L3MBTL3: variants seen among roughly 807,000 people sequenced by gnomAD.
The protein encoded by L3MBTL3 is lethal(3)malignant brain tumor-like protein 3.
In L3MBTL3, 27 loss-of-function variants were observed where a neutral mutation model predicts 102.3. The observed-to-expected ratio is 0.26, with a 90% CI of 0.19 to 0.36. The LOEUF (loss-of-function observed/expected upper bound fraction) is 0.36. L3MBTL3 is among the 10% of genes least tolerant of loss of function. The pLI is 1.00. For missense variants in L3MBTL3, 798 were observed against 955.3 expected (o/e 0.84, Z 2.17); for synonymous variants, 340 against 320.9 (o/e 1.06, Z -0.64).
At chr6:130,093,966 C>A (rs1481284956) in intron 17 of L3MBTL3, among the ~76,000 whole-genome samples, 1 of 152,134 alleles carries the variant, frequency 6.6e-6, no homozygotes, top group Non-Finnish European at 1.5e-5. Flanking sequence ...CTTGTTAATT[C>A]GTATTTAGAT....
chr6:130,103,260 G>C (rs1431566823), intron 18 of L3MBTL3, among the ~76,000 whole-genome samples: 2 of 152,204 alleles, frequency 1.3e-5, no homozygotes, highest in Non-Finnish European at 2.9e-5. Context: ...CACATGATCA[G>C]ATGTTATTTG....
chr6:130,029,764 T>G (rs902729285), intron 2 of L3MBTL3, among the ~76,000 whole-genome samples: 2 of 152,192 alleles, frequency 1.3e-5, no homozygotes, highest in African/African-American at 4.8e-5. Context: ...TTCAGAGATC[T>G]GATAAACTGG....
At chr6:130,056,725 G>A (rs567317383) in intron 8 of L3MBTL3, among the ~76,000 whole-genome samples, 2 of 151,908 alleles carry the variant, frequency 1.3e-5, no homozygotes, top group Non-Finnish European at 2.9e-5. Flanking sequence ...CAGGCCCCTG[G>A]CTCTTCTGGG....
chr6:130,050,967 G>A (rs916893999), intron 5 of L3MBTL3, among the ~76,000 whole-genome samples: 1 of 152,148 alleles, frequency 6.6e-6, no homozygotes, highest in African/African-American at 2.4e-5. Flanking sequence ...TCTGAATTTA[G>A]TGACTAGTGA....
chr6:130,107,332 C>G (rs1325295861), intron 19 of L3MBTL3, among the ~76,000 whole-genome samples: 1 of 152,066 alleles, frequency 6.6e-6, no homozygotes, highest in Non-Finnish European at 1.5e-5. Context: ...TATATTTTTT[C>G]TTTCTTCTTC....
chr6:130,071,244 T>C, intron 13 of L3MBTL3, 117 bp downstream of exon 13: 1 of 877,142 alleles, frequency 1.1e-6, no homozygotes. Context: ...GCCCCACTTT[T>C]TCCTGTTACA....
rs958407539 is a variant in L3MBTL3 at position 130,133,120 on chromosome 6, A to T, written c.1967-332A>T. Among the ~76,000 whole-genome samples the T allele has an allele frequency of 2.0e-5, 3 of 152,214 alleles. No homozygotes were observed. The highest frequency in any genetic ancestry group is 7.2e-5 in the African/African-American group (3 of 41,452). On this transcript the variant is annotated intron_variant, in intron 20 of 22. Transcript: ENST00000361794. The surrounding 1 kb of genome is among the most constrained non-coding windows in gnomAD (Gnocchi z 4.9). ...CCAAAGCAGAAAGGGGAGCAAATAA[A>T]CAACTTCCTAGAATAAGACTAACTT...
In L3MBTL3 at chr6:130,055,217, G is replaced by A. The variant is rs775436383; in HGVS notation, c.629G>A (p.Arg210Gln). 8 of 1,613,700 alleles carry A rather than the reference G, an allele frequency of 5.0e-6. No homozygotes were observed. Among genetic ancestry groups the A allele is most frequent in the East Asian group, 2.2e-5 (1 of 44,882 alleles). ...ATCCTGAGGGGTTCGCAGAGAGCAC[G>A]GAGGAAAAGACGAGGGGATTCGGCT... is the stretch of plus-strand genomic sequence containing the variant. ...VRILRGSQRARRKRRGDSAVL... is the reference protein window; with the variant it reads ...VRILRGSQRAQRKRRGDSAVL... The change falls in exon 8 of 23, where the codon CGG (arginine) becomes CAG (glutamine). Residue 210 changes from arginine (R) to glutamine (Q), a missense_variant. Physicochemically the swap from Arg to Gln is conservative, Grantham distance 43. Around this residue, in one of 4 missense-constraint regions of L3MBTL3, gnomAD observed 434 missense variants for 506.6 expected, o/e 0.86. Coordinates refer to ENST00000361794, the MANE Select transcript of L3MBTL3 (RefSeq NM_032438.4).
chr6:130,019,839 G>GGCTGCTTTTCCTGCAA (rs1778828763), intron 1 of L3MBTL3, among the ~76,000 whole-genome samples: 2 of 146,636 alleles, frequency 1.4e-5, no homozygotes, highest in Admixed American at 6.7e-5. Flanking sequence ...GGCGGCGCGG[G>GGCTGCTTTTCCTGCAA]CCCGCGGCGG....
At chr6:130,052,143 G>T (rs1781138370) in intron 6 of L3MBTL3, among the ~76,000 whole-genome samples, 4 of 148,662 alleles carry the variant, frequency 2.7e-5, no homozygotes, top group African/African-American at 9.9e-5. Context: ...GTCTTGTTCT[G>T]TCGCCAGGCT....
At chr6:130,037,649 T>C (rs1286555917) in intron 2 of L3MBTL3, among the ~76,000 whole-genome samples, 2 of 152,198 alleles carry the variant, frequency 1.3e-5, no homozygotes, top group African/African-American at 4.8e-5. Flanking sequence ...TTACTTTTAA[T>C]TGATGCATAA....
chr6:130,131,298 A>G (rs898379202), intron 20 of L3MBTL3, among the ~76,000 whole-genome samples: 7 of 152,222 alleles, frequency 4.6e-5, no homozygotes, highest in African/African-American at 1.4e-4. Flanking sequence ...TGATACCACT[A>G]TACACCCACT....
At chr6:130,130,657 A>T (rs1456830270) in intron 20 of L3MBTL3, among the ~76,000 whole-genome samples, 1 of 152,246 alleles carries the variant, frequency 6.6e-6, no homozygotes, top group South Asian at 2.1e-4. Flanking sequence ...GGTTCATAAT[A>T]GATATTCAAT....
intron 10 of L3MBTL3, among the ~76,000 whole-genome samples, chr6:130,061,361 G>A (rs986314328): frequency 6.6e-6 from 1 of 152,148 alleles, no homozygotes; most frequent in Non-Finnish European, 1.5e-5. Flanking sequence ...GATTACAAGC[G>A]TGAGCCACCA....
In L3MBTL3 at chr6:130,139,760, T is replaced by G; in HGVS notation, c.*7T>G. 1 of 1,611,586 alleles carries G rather than the reference T, an allele frequency of 6.2e-7. No individual in the cohort carries two copies. The highest frequency in any genetic ancestry group is 2.2e-5 in the East Asian group (1 of 44,730). The stretch of plus-strand genomic sequence containing the variant: ...TTCTCACAATGAACTTTGAAGATGG[T>G]GAATTCTGAATACCATCAGCATTCT... On this transcript the variant is annotated 3_prime_UTR_variant, in exon 23 of 23. Transcript: ENST00000361794.
chr6:130,033,369 A>G (rs1022460529), intron 2 of L3MBTL3, among the ~76,000 whole-genome samples: 1 of 152,176 alleles, frequency 6.6e-6, no homozygotes, highest in Non-Finnish European at 1.5e-5. Flanking sequence ...AGTGAAGATG[A>G]TTTCTGTAAA....
chr6:130,037,387 C>A lies in L3MBTL3; in HGVS notation c.-15-5298C>A, dbSNP rs552717735. Among the ~76,000 whole-genome samples the A allele has an allele frequency of 5.8e-4, 88 of 152,078 alleles. 1 individual carries two copies. Among genetic ancestry groups the A allele is most frequent in the Non-Finnish European group, 1.0e-3 (71 of 67,970 alleles). On this transcript the variant is annotated intron_variant, in intron 2 of 22. Transcript: ENST00000361794. ...ATCACTCAGATATTACCAAGTTTAT[C>A]CACCAGGGGGAAGATATTCTGTCGC... is the stretch of plus-strand genomic sequence containing the variant.
chr6:130,055,005 C>T lies in L3MBTL3; in HGVS notation c.583-166C>T, dbSNP rs1781372584. ...GTCTTATTTTGTAATAACCTCAGGCCAAAAGCAACAGTTTTCAGATGAACT... is the reference window on the plus strand; with the variant it reads ...GTCTTATTTTGTAATAACCTCAGGCTAAAAGCAACAGTTTTCAGATGAACT... On this transcript the variant is annotated intron_variant, in intron 7 of 22. Transcript: ENST00000361794. 4 of 599,794 alleles carry T rather than the reference C, an allele frequency of 6.7e-6. No homozygotes were observed. The African/African-American group carries it at 7.5e-5, about 11-fold the overall frequency. 37.2% of individuals were successfully genotyped at this position (599,794 alleles called of 1,614,324 possible). A position where few individuals can be genotyped will look rare whatever the true frequency, so the allele number is the denominator to read the frequency against.
chr6:130,031,882 A>G (rs1221162562), intron 2 of L3MBTL3, among the ~76,000 whole-genome samples: 1 of 152,094 alleles, frequency 6.6e-6, no homozygotes, highest in Non-Finnish European at 1.5e-5. Flanking sequence ...TACTAATAGT[A>G]AAAATTACTA....
Sources: allele counts gnomAD v4.1 joint callset (sites outside exome capture counted in the v4.1 genomes callset), GRCh38; gene constraint gnomAD v4.1.1; regional missense constraint gnomAD v4.1.1; non-coding constraint Gnocchi (gnomAD v3.1); transcripts MANE v1.5; gene names NCBI Gene and HGNC (gene_info 2026-07-23, HGNC 2026-07-21).